The following RTN4 variants were observed in gnomAD, a reference collection of about 807,000 sequenced individuals.
RTN4 encodes the protein reticulon 4.
In RTN4, 32 loss-of-function variants were observed where a neutral mutation model predicts 90.4. The observed-to-expected ratio is 0.35, with a 90% CI of 0.27 to 0.48. The LOEUF is 0.48. RTN4 is among the 20% of genes least tolerant of loss of function. RTN4 has a pLI of 0.99. For synonymous variants in RTN4, 629 were observed against 552.5 expected, an observed-to-expected ratio of 1.14 and a Z score of -1.94; for missense variants, 1,706 against 1,430.2, an observed-to-expected ratio of 1.19 and a Z score of -3.11.
intron 1 of RTN4, among the ~76,000 whole-genome samples, chr2:55,082,232 G>C (rs935799163): frequency 3.3e-5 from 5 of 152,184 alleles, no homozygotes; most frequent in African/African-American, 1.2e-4. Flanking sequence ...GAGCAACCAA[G>C]GTGTATTCAC....
At chr2:55,017,185 ATAT>A (rs1259982128) in intron 3 of RTN4, among the ~76,000 whole-genome samples, 6 of 152,306 alleles carry the variant, frequency 3.9e-5, no homozygotes, top group South Asian at 4.1e-4. Flanking sequence ...AATTTTCCAA[ATAT>A]TATTTGCTCA....
chr2:55,025,914 G>T lies in RTN4; in HGVS notation c.2185C>A (p.Pro729Thr). The change falls in exon 3 of 9, where the codon CCT becomes ACT. Residue 729 changes from proline to threonine, a missense_variant. Transcript: ENST00000337526. ...TCTTCAACTAGCTCAGAATGATCAG[G>T]CACTGGCTGTTCAACTTTTGCCATT... is the stretch of plus-strand genomic sequence containing the variant. ...SEMAKVEQPVPDHSELVEDSS... is the reference protein window; with the variant it reads ...SEMAKVEQPVTDHSELVEDSS... 6.2e-7 allele frequency: 1 copy of T among 1,613,368 alleles called. No individual in the cohort carries two copies. The highest frequency in any genetic ancestry group is 8.5e-7 in the Non-Finnish European group (1 of 1,179,786).
chr2:55,050,074 G>A lies in RTN4; in HGVS notation c.227C>T (p.Ala76Val). ...APVPTAPAAG[A>V]PLMDFGNDFV... ...GTCATTTCCGAAGTCCATCAGGGGC[G>A]CGCCGGCGGCAGGGGCGGTGGGCAC... Residue 76 changes from alanine to valine, a missense_variant, in exon 1 of 9, where the codon GCG (alanine) becomes GTG (valine). Physicochemically the swap from Ala to Val is moderately conservative, Grantham distance 64 (BLOSUM62 0). Transcript: ENST00000337526. This position sits in a 1 kb window ranked among gnomAD's most constrained non-coding sequence, Gnocchi z 4.6. The A allele has an allele frequency of 4.1e-6, 6 of 1,450,472 alleles. No homozygotes were observed. Among genetic ancestry groups the A allele is most frequent in the Non-Finnish European group, 5.4e-6 (6 of 1,106,896 alleles). The allele number at this position is 1,450,472 out of a possible 1,614,324, so 89.9% of individuals were successfully genotyped here.
At chr2:54,978,869 C>T (rs73936512) in intron 5 of RTN4, among the ~76,000 whole-genome samples, 5,490 of 151,934 alleles carry the variant, frequency 0.036, 341 homozygotes, top group African/African-American at 0.12. Context: ...AAAATAAATC[C>T]GTTTAAACAA....
Position 55,026,936 on chromosome 2 carries a change from T to C in RTN4, c.1163A>G (p.Lys388Arg). ...CACTTCCCATACTCGCTCAAATGGT[T>C]TGAAGTCTGCATATTCCTCCCTCAT... ...APMREEYADF[K>R]PFERVWEVKD... Residue 388 changes from lysine (K) to arginine (R), a missense_variant, in exon 3 of 9, where the codon AAA becomes AGA. Physicochemically the swap from Lys to Arg is conservative, Grantham distance 26. Transcript: ENST00000337526. 1 of 1,613,664 alleles carries C rather than the reference T, an allele frequency of 6.2e-7. No homozygotes were observed. Among genetic ancestry groups the C allele is most frequent in the Non-Finnish European group, 8.5e-7 (1 of 1,179,888 alleles).
the RTN4 span, among the ~76,000 whole-genome samples, chr2:55,133,655 CTTAG>C: frequency 1.3e-5 from 2 of 152,162 alleles, no homozygotes; most frequent in Non-Finnish European, 2.9e-5. Flanking sequence ...AGAAGGGAAA[CTTAG>C]TTAGGGACCC....
intron 3 of RTN4, among the ~76,000 whole-genome samples, chr2:55,016,662 T>C (rs1470231006): frequency 6.6e-6 from 1 of 152,228 alleles, no homozygotes; most frequent in Non-Finnish European, 1.5e-5. Flanking sequence ...ACATTGATTA[T>C]GTCTGGGTAA....
chr2:55,081,838 C>T (rs556169996), intron 1 of RTN4, among the ~76,000 whole-genome samples: 3 of 123,278 alleles, frequency 2.4e-5, no homozygotes, highest in South Asian at 2.5e-4. Flanking sequence ...ACTCCAGCCT[C>T]GGCAACAGAG....
chr2:55,069,893 G>A (rs1668456434), intron 2 of RTN4, among the ~76,000 whole-genome samples: 1 of 152,200 alleles, frequency 6.6e-6, no homozygotes, highest in East Asian at 1.9e-4. Context: ...AATGCTGGCT[G>A]GAGAAGTAGG....
chr2:55,070,933 C>T (rs369480795), intron 2 of RTN4, among the ~76,000 whole-genome samples: 6 of 151,836 alleles, frequency 4.0e-5, no homozygotes, highest in Non-Finnish European at 7.4e-5. Context: ...CCCACCACCA[C>T]GCCTGGCTAA....
intron 1 of RTN4, among the ~76,000 whole-genome samples, chr2:55,037,538 G>C (rs1423923946): frequency 1.3e-5 from 2 of 152,182 alleles, no homozygotes; most frequent in Non-Finnish European, 2.9e-5. Context: ...ATGTGAAATG[G>C]AGCTGAGGGA....
At chr2:55,104,153 C>T (rs561815170) in intron 1 of RTN4, among the ~76,000 whole-genome samples, 6 of 151,236 alleles carry the variant, frequency 4.0e-5, no homozygotes, top group Admixed American at 1.3e-4. Context: ...TGGGTTCAAG[C>T]GATTCTCCTG....
At chr2:55,021,376 T>C (rs954779002) in intron 3 of RTN4, among the ~76,000 whole-genome samples, 3 of 145,590 alleles carry the variant, frequency 2.1e-5, no homozygotes, top group African/African-American at 7.6e-5. Context: ...TTGTCTTAGT[T>C]TCATCTTTTT....
At chr2:55,057,867 T>C (rs950043307) in intron 2 of RTN4, among the ~76,000 whole-genome samples, 10 of 152,204 alleles carry the variant, frequency 6.6e-5, no homozygotes, top group Non-Finnish European at 1.3e-4. Flanking sequence ...CATGTGGTTC[T>C]AGCTACTTGG....
chr2:55,075,107 G>C (rs909019410), intron 2 of RTN4, among the ~76,000 whole-genome samples: 1 of 152,252 alleles, frequency 6.6e-6, no homozygotes, highest in African/African-American at 2.4e-5. Flanking sequence ...GAAATAAAAG[G>C]CATCCAAATT....
chr2:54,973,770 G>A, intron 7 of RTN4, 51 bp downstream of exon 7: 1 of 1,548,100 alleles, frequency 6.5e-7, no homozygotes, highest in African/African-American at 1.4e-5. Flanking sequence ...TAAATCCCAT[G>A]TAATAGAGTG....
At chr2:55,130,295 C>T in the RTN4 span, among the ~76,000 whole-genome samples, 1 of 152,150 alleles carries the variant, frequency 6.6e-6, no homozygotes, top group Non-Finnish European at 1.5e-5. Flanking sequence ...CATGTACACT[C>T]CCCACTAAAC....
chr2:55,107,051 G>A (rs187421054), intron 1 of RTN4, among the ~76,000 whole-genome samples: 2 of 152,164 alleles, frequency 1.3e-5, no homozygotes, highest in East Asian at 3.9e-4. Context: ...ACTTTCTGAT[G>A]TTAATAAAAA....
At chr2:55,088,071 G>C (rs1223510818) in intron 1 of RTN4, among the ~76,000 whole-genome samples, 1 of 152,236 alleles carries the variant, frequency 6.6e-6, no homozygotes, top group East Asian at 1.9e-4. Context: ...GATGTCAGAA[G>C]ACCCTGAGGA....
Sources: allele counts gnomAD v4.1 joint callset (sites outside exome capture counted in the v4.1 genomes callset), GRCh38; gene constraint gnomAD v4.1.1; non-coding constraint Gnocchi (gnomAD v3.1); transcripts MANE v1.5; gene names NCBI Gene and HGNC (gene_info 2026-07-23, HGNC 2026-07-21).